Variants in ARVCF observed in about 807,000 individuals in gnomAD.
The protein encoded by ARVCF is splicing regulator ARVCF.
Under a neutral mutation model 90.9 loss-of-function variants are expected in ARVCF, and 66 were observed. That is an observed-to-expected ratio of 0.73 (90% CI 0.60 to 0.89). The LOEUF (loss-of-function observed/expected upper bound fraction) is 0.89, where lower values mean the gene tolerates loss of function less well. ARVCF is among the 40% of genes least tolerant of loss of function. ARVCF has a pLI of 0.00. For synonymous variants in ARVCF, 653 were observed against 603.4 expected (o/e 1.08, Z -1.21); for missense variants, 1,469 against 1,382.3 (o/e 1.06, Z -1.00).
chr22:19,996,742 C>T (rs1378346246), intron 2 of ARVCF, among the ~76,000 whole-genome samples: 1 of 152,238 alleles, frequency 6.6e-6, no homozygotes, highest in African/African-American at 2.4e-5. Context: ...GATACCCTCC[C>T]CACCAGGCAG....
At chr22:20,009,451 G>C (rs1944748141) in intron 2 of ARVCF, among the ~76,000 whole-genome samples, 1 of 152,220 alleles carries the variant, frequency 6.6e-6, no homozygotes, top group African/African-American at 2.4e-5. Context: ...CTTAGGCACA[G>C]CACTGGCTGG....
At chr22:19,995,200 G>A (rs547806550) in intron 2 of ARVCF, among the ~76,000 whole-genome samples, 1 of 152,104 alleles carries the variant, frequency 6.6e-6, no homozygotes, top group Non-Finnish European at 1.5e-5. Flanking sequence ...AGAAAATGAG[G>A]GGAGATGAGA....
downstream of ARVCF, among the ~76,000 whole-genome samples, chr22:19,966,615 A>T (rs951801960): frequency 2.6e-5 from 4 of 151,770 alleles, no homozygotes; most frequent in East Asian, 1.9e-4. Flanking sequence ...TAATTTAAAA[A>T]TTTTTTGTAG....
rs762950921 is a variant in ARVCF at position 19,972,979 on chromosome 22, G to GCAC, written c.2495_2496insGTG (p.Tyr832delinsTer). 6.2e-7 allele frequency: 1 copy of GCAC among 1,613,756 alleles called. No individual in the cohort carries two copies. The highest frequency in any genetic ancestry group is 1.1e-5 in the South Asian group (1 of 91,090). ...TCTGCAAGGTACCACGCAGCTCCTT[G>GCAC]TAGCTCCACACTGTCTGCAGCACGT... On this transcript the variant is annotated stop_gained, in exon 15 of 20. Transcript: ENST00000263207. LOFTEE classifies it high-confidence loss of function.
intron 5 of ARVCF, chr22:19,980,654 G>A (rs1943441509): frequency 4.9e-6 from 1 of 205,170 alleles, no homozygotes; most frequent in African/African-American, 2.3e-5. Context: ...GATGTAGGGG[G>A]AGTAAATGGC....
chr22:20,004,822 G>T (rs889080756), intron 2 of ARVCF, among the ~76,000 whole-genome samples: 7 of 152,156 alleles, frequency 4.6e-5, no homozygotes, highest in African/African-American at 1.7e-4. Flanking sequence ...ACAAATGATG[G>T]AACTGGATAC....
At chr22:19,968,548 C>T (rs1448727569), downstream of ARVCF, 17 of 1,613,832 alleles carry the variant, frequency 1.1e-5, no homozygotes, top group Non-Finnish European at 1.4e-5. Context: ...ATGTGGCCTG[C>T]TGCGGAAGGG....
chr22:19,975,831 G>C, intron 10 of ARVCF, 74 bp from the exon 11 acceptor site: 4 of 1,506,554 alleles, frequency 2.7e-6, no homozygotes, highest in Non-Finnish European at 3.7e-6. Flanking sequence ...GTTGGGCACA[G>C]TTCTCTCCTA....
intron 18 of ARVCF, 102 bp downstream of exon 18, chr22:19,971,784 C>T: frequency 7.7e-7 from 1 of 1,294,078 alleles, no homozygotes; most frequent in Non-Finnish European, 1.1e-6. Flanking sequence ...CCAGCTGTAC[C>T]CCAGGGCCCA....
downstream of ARVCF, chr22:19,967,723 T>C: frequency 3.8e-6 from 1 of 260,854 alleles, no homozygotes; most frequent in South Asian, 3.8e-5. Flanking sequence ...GTTTGGTGAC[T>C]AAGTCAAATT....
At chr22:19,991,141 C>T (rs1382807496) in intron 2 of ARVCF, among the ~76,000 whole-genome samples, 2 of 152,232 alleles carry the variant, frequency 1.3e-5, no homozygotes, top group African/African-American at 4.8e-5. Flanking sequence ...ACCTCCCAGG[C>T]CCTCTGCCAC....
intron 6 of ARVCF, 86 bp downstream of exon 6, chr22:19,979,657 G>A (rs1601598800): frequency 4.8e-6 from 7 of 1,466,334 alleles, no homozygotes; most frequent in South Asian, 1.4e-5. Context: ...CCAGGCGGTC[G>A]CAGGCCGAGT....
intron 6 of ARVCF, 114 bp downstream of exon 6, chr22:19,979,629 T>G (rs1943366395): frequency 3.5e-6 from 5 of 1,428,550 alleles, no homozygotes; most frequent in African/African-American, 2.8e-5. Flanking sequence ...GCTGCACTCC[T>G]GCCTACCGGG....
Position 19,979,996 on chromosome 22 carries a change from G to C in ARVCF, c.1143C>G (p.Tyr381Ter). ...VDPVKANAAAYLQHLCFENEG... is the reference protein window; with the variant it reads ...VDPVKANAAA ...CGTTCTCAAAGCACAGATGCTGCAG[G>C]TAGGCGGCCGCATTGGCCTTCACGG... The change falls in exon 6 of 20, where the codon TAC (tyrosine) becomes TAG (stop). Residue 381 changes from tyrosine to a stop codon, truncating the protein, a stop_gained. Transcript: ENST00000263207. LOFTEE classifies it high-confidence loss of function. 1 of 1,595,324 alleles carries C rather than the reference G, an allele frequency of 6.3e-7. No homozygotes were observed.
At chr22:19,985,821 C>T (rs548975360) in intron 3 of ARVCF, among the ~76,000 whole-genome samples, 1 of 152,352 alleles carries the variant, frequency 6.6e-6, no homozygotes, top group South Asian at 2.1e-4. Flanking sequence ...AGATTGCACA[C>T]CTGGATCCCA....
chr22:19,992,845 G>A (rs1395524709), intron 2 of ARVCF, among the ~76,000 whole-genome samples: 1 of 152,176 alleles, frequency 6.6e-6, no homozygotes, highest in African/African-American at 2.4e-5. Flanking sequence ...CCTGACCTAA[G>A]CCCCTCCAGC....
At chr22:19,967,250 C>G (rs376880156), downstream of ARVCF, 959 of 1,294,894 alleles carry the variant, frequency 7.4e-4, 15 homozygotes, top group South Asian at 0.011. Context: ...TGGCGCAACC[C>G]GAGAAGTCCA....
rs758765047 is a variant in ARVCF, at chr22:19,979,853, T to C, written c.1286A>G (p.Tyr429Cys). 5.0e-6 allele frequency: 8 copies of C among 1,609,044 alleles called. No homozygotes were observed. Among genetic ancestry groups the C allele is most frequent in the South Asian group, 3.3e-5 (3 of 90,570 alleles). The change falls in exon 6 of 20, where the codon TAT becomes TGT. Residue 429 changes from tyrosine (Y) to cysteine (C), a missense_variant. Coordinates refer to ENST00000263207, the MANE Select transcript of ARVCF (RefSeq NM_001670.3). ...RACGALRNLS[Y>C]GRDTDNKAAI... ...GGCCTTGTTGTCAGTGTCGCGGCCA[T>C]AGGAGAGGTTGCGCAGTGCCCCACA...
At position 20,016,784 on chromosome 22, in the gene ARVCF, A is replaced by C. The variant is rs1388117200; in HGVS notation, c.-268T>G. 5 of 147,434 alleles carry C rather than the reference A, an allele frequency of 3.4e-5. No individual in the cohort carries two copies. The highest frequency in any genetic ancestry group is 2.0e-4 in the Admixed American group (3 of 14,908). The allele number at this position is 147,434 out of a possible 1,614,324, so 9.1% of individuals were successfully genotyped here. On this transcript the variant is annotated 5_prime_UTR_variant, in exon 1 of 20. Coordinates refer to ENST00000263207, the MANE Select transcript of ARVCF (RefSeq NM_001670.3). The stretch of plus-strand genomic sequence containing the variant: ...CTCCAGGCCCAGCGCGCAACCCGAG[A>C]CCCCGGGCCAGCCCTCCCGCCCTCA...
Sources: allele counts gnomAD v4.1 joint callset (sites outside exome capture counted in the v4.1 genomes callset), GRCh38; gene constraint gnomAD v4.1.1; transcripts MANE v1.5; gene names NCBI Gene and HGNC (gene_info 2026-07-23, HGNC 2026-07-21).